CNTNAP2: variants seen among roughly 807,000 people sequenced by gnomAD.
CNTNAP2 encodes contactin-associated protein-like 2.
In CNTNAP2, 98 loss-of-function variants were observed where a neutral mutation model predicts 155.2. The ratio of observed to expected loss-of-function variants is 0.63; its 90% CI spans 0.54 to 0.75. CNTNAP2 has a LOEUF of 0.75. Ranked by LOEUF, CNTNAP2 falls within the 30% of genes least tolerant of loss-of-function variation. CNTNAP2 has a pLI of 0.00. For synonymous variants in CNTNAP2, 651 were observed against 631.2 expected (o/e 1.03, Z -0.47); for missense variants, 1,727 against 1,688.1 (o/e 1.02, Z -0.40).
At chr7:147,672,457 A>C (rs1356572247) in intron 13 of CNTNAP2, 1 of 152,204 alleles carries the variant, frequency 6.6e-6, no homozygotes, top group Non-Finnish European at 1.5e-5. Flanking sequence ...TTAGGAGGGC[A>C]TGTGGCAAAG....
intron 12 of CNTNAP2, among the ~76,000 whole-genome samples, chr7:147,573,265 G>T (rs906242674): frequency 6.6e-6 from 1 of 152,092 alleles, no homozygotes; most frequent in Non-Finnish European, 1.5e-5. Flanking sequence ...CTGCATTTAC[G>T]TACAGACAAT....
At chr7:147,132,681 A>G (rs939970012) in intron 8 of CNTNAP2, among the ~76,000 whole-genome samples, 172 bp downstream of exon 8, 1 of 152,116 alleles carries the variant, frequency 6.6e-6, no homozygotes, top group Non-Finnish European at 1.5e-5. Context: ...GAAAACTTGG[A>G]AAGTTGTTGA....
chr7:146,898,891 A>T (rs542047510), intron 3 of CNTNAP2, among the ~76,000 whole-genome samples: 61 of 152,190 alleles, frequency 4.0e-4, no homozygotes, highest in Middle Eastern at 3.4e-3. Flanking sequence ...ATTAAAAAAA[A>T]AATTGCTATC....
chr7:147,537,291 T>TTACTG (rs141772951), intron 11 of CNTNAP2, among the ~76,000 whole-genome samples: 1 of 151,548 alleles, frequency 6.6e-6, no homozygotes, highest in African/African-American at 2.4e-5. Context: ...ATTATTTTGA[T>TTACTG]TATTAAGCAT....
intron 3 of CNTNAP2, among the ~76,000 whole-genome samples, chr7:146,848,002 A>T (rs1413619094): frequency 2.0e-5 from 3 of 152,190 alleles, no homozygotes; most frequent in African/African-American, 4.8e-5. Flanking sequence ...AGGCCAACTG[A>T]AAAGGGTAGG....
intron 1 of CNTNAP2, among the ~76,000 whole-genome samples, chr7:146,418,879 G>A (rs73456824): frequency 0.042 from 6,448 of 152,076 alleles, 349 homozygotes; most frequent in African/African-American, 0.13. Context: ...GGACAAGATG[G>A]CCATCTACAA....
At chr7:148,306,821 C>A (rs1480400430) in intron 21 of CNTNAP2, among the ~76,000 whole-genome samples, 1 of 151,638 alleles carries the variant, frequency 6.6e-6, no homozygotes, top group Non-Finnish European at 1.5e-5. Flanking sequence ...CTTTTTTCTT[C>A]TCCTGTGTTT....
chr7:146,205,313 A>G (rs68099112), intron 1 of CNTNAP2, among the ~76,000 whole-genome samples: 7,854 of 152,020 alleles, frequency 0.052, 238 homozygotes, highest in Middle Eastern at 0.1. Context: ...AGACTGCACA[A>G]TTTATTAAAT....
At chr7:147,772,812 A>C (rs1797496169) in intron 13 of CNTNAP2, among the ~76,000 whole-genome samples, 1 of 151,956 alleles carries the variant, frequency 6.6e-6, no homozygotes, top group East Asian at 1.9e-4. Flanking sequence ...AGTCATAACC[A>C]TGTCATTCCA....
chr7:147,178,438 T>C, intron 8 of CNTNAP2, among the ~76,000 whole-genome samples: 1 of 152,198 alleles, frequency 6.6e-6, no homozygotes, highest in East Asian at 1.9e-4. Flanking sequence ...CTGCCAACAC[T>C]GGGTTTTAGT....
chr7:147,299,263 C>T (rs892142275), intron 8 of CNTNAP2, among the ~76,000 whole-genome samples: 13 of 152,058 alleles, frequency 8.5e-5, no homozygotes, highest in Non-Finnish European at 1.6e-4. Flanking sequence ...CCTATTTTTG[C>T]TTTTTAATTT....
chr7:147,048,041 G>C (rs1424607598), intron 4 of CNTNAP2, among the ~76,000 whole-genome samples: 1 of 148,146 alleles, frequency 6.8e-6, no homozygotes, highest in Non-Finnish European at 1.5e-5. Flanking sequence ...ATGTGACTAA[G>C]TTAACAATCA....
intron 21 of CNTNAP2, among the ~76,000 whole-genome samples, chr7:148,382,584 T>C (rs1051508713): frequency 5.9e-5 from 9 of 152,030 alleles, no homozygotes; most frequent in African/African-American, 2.2e-4. Context: ...CAAGCAAGCG[T>C]AGAGAGATGC....
At chr7:146,697,737 C>T (rs929168791) in intron 1 of CNTNAP2, among the ~76,000 whole-genome samples, 9 of 151,832 alleles carry the variant, frequency 5.9e-5, no homozygotes, top group South Asian at 4.2e-4. Context: ...TTTAATCCAC[C>T]GTGATAAGCT....
chr7:146,317,973 C>T (rs974439431), intron 1 of CNTNAP2, among the ~76,000 whole-genome samples: 14 of 152,036 alleles, frequency 9.2e-5, no homozygotes, highest in African/African-American at 2.9e-4. Context: ...AACCTCATCT[C>T]TACTAAAAAT....
intron 8 of CNTNAP2, among the ~76,000 whole-genome samples, chr7:147,173,924 C>T (rs1339860881): frequency 6.6e-6 from 1 of 152,090 alleles, no homozygotes; most frequent in Non-Finnish European, 1.5e-5. Context: ...GTTTTGAGTA[C>T]AATTTCATAA....
intron 2 of CNTNAP2, among the ~76,000 whole-genome samples, chr7:146,808,485 T>C (rs937097302): frequency 6.6e-6 from 1 of 152,202 alleles, no homozygotes; most frequent in Admixed American, 6.5e-5. Context: ...CTTCTGACTT[T>C]GTAACTTTTT....
Position 146,822,239 on chromosome 7 carries a change from C to T in CNTNAP2, c.209-17472C>T, listed in dbSNP as rs1013260119. ...CGCAAGGACAAAAAACCCAACACCACATGTTCTCACTCATATGTGGGAATT... is the reference window on the plus strand; with the variant it reads ...CGCAAGGACAAAAAACCCAACACCATATGTTCTCACTCATATGTGGGAATT... On this transcript the variant is annotated intron_variant, in intron 2 of 23. Transcript: ENST00000361727. 2.0e-5 allele frequency among the ~76,000 whole-genome samples: 3 copies of T among 152,192 alleles called. No individual in the cohort carries two copies. The East Asian group carries it at 5.8e-4, about 29-fold the overall frequency.
intron 1 of CNTNAP2, among the ~76,000 whole-genome samples, chr7:146,645,447 C>A (rs1164997395): frequency 6.6e-6 from 1 of 152,084 alleles, no homozygotes; most frequent in Non-Finnish European, 1.5e-5. Context: ...GGCCACAGTG[C>A]CAGTGGAGAA....
Sources: allele counts gnomAD v4.1 joint callset (sites outside exome capture counted in the v4.1 genomes callset), GRCh38; gene constraint gnomAD v4.1.1; transcripts MANE v1.5; gene names NCBI Gene and HGNC (gene_info 2026-07-23, HGNC 2026-07-21).